Variants in ARHGAP26 observed in about 807,000 individuals in gnomAD.
ARHGAP26 encodes rho GTPase-activating protein 26.
Under a neutral mutation model 104.8 loss-of-function variants are expected in ARHGAP26, and 38 were observed. The observed-to-expected ratio is 0.36, with a 90% CI of 0.28 to 0.48. The LOEUF (loss-of-function observed/expected upper bound fraction) is 0.48. ARHGAP26 is among the 20% of genes least tolerant of loss of function. ARHGAP26 has a pLI of 0.99. For missense variants in ARHGAP26, 704 were observed against 947.9 expected (o/e 0.74, Z 3.38); for synonymous variants, 341 against 340.0 (o/e 1.00, Z -0.03).
intron 12 of ARHGAP26, among the ~76,000 whole-genome samples, chr5:143,025,656 A>G (rs1780949893): frequency 6.6e-6 from 1 of 152,180 alleles, no homozygotes; most frequent in South Asian, 2.1e-4. Context: ...TTTTGCTGCT[A>G]TTCTGATTTG....
intron 9 of ARHGAP26, among the ~76,000 whole-genome samples, chr5:142,910,653 C>T (rs1445468164): frequency 1.3e-5 from 2 of 152,132 alleles, no homozygotes; most frequent in Non-Finnish European, 2.9e-5. Context: ...GCAGGAGAAT[C>T]GCTTGAGCCT....
At position 142,793,252 on chromosome 5, in the gene ARHGAP26, C is replaced by CTTTTTTTTTTTTT. The variant is rs56941301; in HGVS notation, c.154+22347_154+22359dup. 6.5e-5 allele frequency among the ~76,000 whole-genome samples: 7 copies of CTTTTTTTTTTTTT among 107,140 alleles called. No individual in the cohort carries two copies. In the East Asian group the frequency reaches 9.6e-4, roughly 15 times the overall value. 70.3% of individuals were successfully genotyped at this position (107,140 alleles called of 152,430 possible). On this transcript the variant is annotated intron_variant, in intron 1 of 22. Transcript: ENST00000645722. ...GCCCACTGATTGTTATATCCCTTTGCTTTTTTTTTTTTTTTTTTTTTTAAT... is the reference window on the plus strand; with the variant it reads ...GCCCACTGATTGTTATATCCCTTTGCTTTTTTTTTTTTTTTTTTTTTTTTTTTTTTTTTTTAAT...
intron 1 of ARHGAP26, among the ~76,000 whole-genome samples, chr5:142,785,003 T>C (rs534526121): frequency 4.0e-5 from 6 of 148,568 alleles, no homozygotes; most frequent in Non-Finnish European, 5.9e-5. Flanking sequence ...CTCGGCTCAC[T>C]GCAAGCTCCG....
intron 1 of ARHGAP26, among the ~76,000 whole-genome samples, chr5:142,853,659 G>A (rs1027311358): frequency 6.6e-6 from 1 of 152,120 alleles, no homozygotes; most frequent in African/African-American, 2.4e-5. Context: ...AGCACTTGGG[G>A]GCTAGCACAG....
chr5:142,801,077 T>A (rs1197062113), intron 1 of ARHGAP26, among the ~76,000 whole-genome samples: 1 of 152,214 alleles, frequency 6.6e-6, no homozygotes, highest in African/African-American at 2.4e-5. Context: ...GAGGCATCTT[T>A]AACTGCATGA....
intron 1 of ARHGAP26, among the ~76,000 whole-genome samples, chr5:142,776,007 T>C (rs1435784737): frequency 6.6e-6 from 1 of 152,250 alleles, no homozygotes; most frequent in Non-Finnish European, 1.5e-5. Context: ...ACACTATATT[T>C]ATATTTATTC....
intron 1 of ARHGAP26, 82 bp from the exon 2 acceptor site, chr5:142,873,318 T>C: frequency 1.0e-6 from 1 of 1,000,308 alleles, no homozygotes. Flanking sequence ...AAGATATTCC[T>C]AGAAGGACCA....
chr5:143,005,105 A>G (rs551265121), intron 11 of ARHGAP26, among the ~76,000 whole-genome samples: 2 of 152,250 alleles, frequency 1.3e-5, no homozygotes, highest in East Asian at 3.9e-4. Context: ...AATTACCACA[A>G]CCCTTGTCTG....
chr5:142,907,679 T>C (rs780368814), intron 8 of ARHGAP26, 25 bp from the exon 9 acceptor site: 11 of 1,535,158 alleles, frequency 7.2e-6, no homozygotes, highest in East Asian at 2.3e-5. Context: ...TGTATAGATA[T>C]TTTATGGGAA....
chr5:142,991,198 A>G (rs1423132666), intron 11 of ARHGAP26, among the ~76,000 whole-genome samples: 2 of 152,188 alleles, frequency 1.3e-5, no homozygotes, highest in African/African-American at 2.4e-5. Context: ...GCCGCCTTGC[A>G]GTTCGATCTC....
At chr5:142,890,153 T>A (rs429459) in intron 5 of ARHGAP26, among the ~76,000 whole-genome samples, 2,011 of 26,142 alleles carry the variant, frequency 0.077, 30 homozygotes, top group African/African-American at 0.12. Context: ...AAAAAAAAAA[T>A]ATATATATAT....
intron 15 of ARHGAP26, 145 bp from the exon 16 acceptor site, chr5:143,055,883 A>G: frequency 1.8e-6 from 1 of 561,818 alleles, no homozygotes; most frequent in Non-Finnish European, 3.1e-6. Context: ...GAACGCTTGC[A>G]ATAGGGAAAC....
chr5:142,885,261 T>C lies in ARHGAP26; in HGVS notation c.385-37T>C, dbSNP rs1158380967. 6 of 1,568,584 alleles carry C rather than the reference T, an allele frequency of 3.8e-6. No homozygotes were observed. The African/African-American group carries it at 6.8e-5, about 18-fold the overall frequency. ...AGGCTGCTTTTATTCCTGCAACGTG[T>C]TACTCTTTTTCTTTTTCTCTTCTCT... On this transcript the variant is annotated intron_variant, in intron 4 of 22. Coordinates refer to ENST00000645722, the MANE Select transcript of ARHGAP26 (RefSeq NM_001135608.3).
Position 143,041,856 on chromosome 5 carries a change from C to T in ARHGAP26, c.1251C>T (p.Asn417=), listed in dbSNP as rs2150150976. 3 of 1,601,960 alleles carry T rather than the reference C, an allele frequency of 1.9e-6. No homozygotes were observed. The highest frequency in any genetic ancestry group is 2.6e-6 in the Non-Finnish European group (3 of 1,173,842). The change falls in exon 14 of 23, where the codon AAC becomes AAT. Residue 417 remains asparagine (N), a synonymous_variant. Coordinates refer to ENST00000645722, the MANE Select transcript of ARHGAP26 (RefSeq NM_001135608.3). ...GGCTGTATCGAATTGTGGGTGTCAA[C>T]TCCAGAGTGCAGAAGTTGCTGAGTG... ...EQGLYRIVGV[N]SRVQKLLSVL...
chr5:142,812,505 T>C (rs1764295339), intron 1 of ARHGAP26, among the ~76,000 whole-genome samples: 1 of 151,476 alleles, frequency 6.6e-6, no homozygotes, highest in Non-Finnish European at 1.5e-5. Flanking sequence ...GCCCGGCTAA[T>C]TTTTGTATTT....
chr5:143,024,325 T>C (rs180983193), intron 12 of ARHGAP26, among the ~76,000 whole-genome samples: 2 of 152,196 alleles, frequency 1.3e-5, no homozygotes, highest in African/African-American at 4.8e-5. Flanking sequence ...ACCCTCTCTC[T>C]CAGCTAGCTT....
intron 5 of ARHGAP26, among the ~76,000 whole-genome samples, chr5:142,892,711 A>G (rs778033718): frequency 2.7e-5 from 4 of 149,924 alleles, no homozygotes; most frequent in South Asian, 2.1e-4. Flanking sequence ...ATAATCATAC[A>G]TATTTATGGG....
intron 1 of ARHGAP26, among the ~76,000 whole-genome samples, chr5:142,851,743 T>A (rs868356714): frequency 1.3e-5 from 2 of 152,244 alleles, no homozygotes; most frequent in Non-Finnish European, 2.9e-5. Context: ...GTGCTGGCCT[T>A]TAGTTGCTGT....
At chr5:143,189,445 C>T (rs1446379879) in intron 20 of ARHGAP26, among the ~76,000 whole-genome samples, 1 of 152,188 alleles carries the variant, frequency 6.6e-6, no homozygotes, top group African/African-American at 2.4e-5. Flanking sequence ...CACCCAGGCA[C>T]CTGCTTTCAC....
Sources: allele counts gnomAD v4.1 joint callset (sites outside exome capture counted in the v4.1 genomes callset), GRCh38; gene constraint gnomAD v4.1.1; transcripts MANE v1.5; gene names NCBI Gene and HGNC (gene_info 2026-07-23, HGNC 2026-07-21).